The following TEKT5 variants were observed in gnomAD, a reference collection of about 807,000 sequenced individuals.
TEKT5 encodes tektin-5.
In TEKT5, 52 loss-of-function variants were observed where a neutral mutation model predicts 48.7. The ratio of observed to expected loss-of-function variants is 1.07; its 90% CI spans 0.86 to 1.35. The LOEUF (loss-of-function observed/expected upper bound fraction) is 1.35, where lower values mean the gene tolerates loss of function less well. TEKT5 is among the 40% of genes most tolerant of loss of function. The pLI is 0.00. For missense variants in TEKT5, 831 were observed against 641.6 expected, an observed-to-expected ratio of 1.30 and a Z score of -3.19; for synonymous variants, 318 against 267.6, an observed-to-expected ratio of 1.19 and a Z score of -1.84.
chr16:10,658,089 C>T (rs1236277577), intron 5 of TEKT5, among the ~76,000 whole-genome samples: 2 of 152,150 alleles, frequency 1.3e-5, no homozygotes, highest in East Asian at 1.9e-4. Context: ...TGATTATTGA[C>T]TTGTAATCTA....
At chr16:10,650,046 C>A (rs546305822) in intron 5 of TEKT5, among the ~76,000 whole-genome samples, 15 of 152,156 alleles carry the variant, frequency 9.9e-5, no homozygotes, top group Non-Finnish European at 2.2e-4. Flanking sequence ...CCCACTCCCC[C>A]TGCCATTTCT....
At chr16:10,629,885 C>T (rs1567222872) in intron 6 of TEKT5, among the ~76,000 whole-genome samples, 1 of 152,210 alleles carries the variant, frequency 6.6e-6, no homozygotes, top group Non-Finnish European at 1.5e-5. Context: ...ACTACTTCCT[C>T]ACCCCTCTCC....
intron 5 of TEKT5, among the ~76,000 whole-genome samples, chr16:10,660,912 G>A (rs1814266): frequency 6.6e-6 from 1 of 152,110 alleles, no homozygotes; most frequent in African/African-American, 2.4e-5. Context: ...TGTTGGCCAG[G>A]CTGGTCTCGA....
chr16:10,633,866 C>T (rs1473997597), intron 6 of TEKT5, among the ~76,000 whole-genome samples: 2 of 152,126 alleles, frequency 1.3e-5, no homozygotes, highest in Non-Finnish European at 2.9e-5. Context: ...CCTGCCCCTC[C>T]ACCCCACCCC....
chr16:10,652,424 T>C (rs1195999230), intron 5 of TEKT5, among the ~76,000 whole-genome samples: 1 of 132,486 alleles, frequency 7.5e-6, no homozygotes, highest in Admixed American at 7.9e-5. Context: ...CCAGGCCAGG[T>C]ACAGCAATCC....
chr16:10,653,611 G>A (rs1480300055), intron 5 of TEKT5, among the ~76,000 whole-genome samples: 2 of 152,176 alleles, frequency 1.3e-5, no homozygotes, highest in Non-Finnish European at 2.9e-5. Context: ...TGTAAAAACA[G>A]GCTTAATAAT....
intron 4 of TEKT5, among the ~76,000 whole-genome samples, chr16:10,678,031 T>C (rs1011493034): frequency 1.3e-5 from 2 of 152,228 alleles, no homozygotes; most frequent in South Asian, 2.1e-4. Flanking sequence ...TGGCAGAGCA[T>C]GTAAATCCCT....
At chr16:10,689,448 T>C (rs757813476) in intron 2 of TEKT5, 125 bp from the exon 3 acceptor site, 9 of 832,716 alleles carry the variant, frequency 1.1e-5, no homozygotes, top group Non-Finnish European at 1.7e-5. Flanking sequence ...AGGTGAAATG[T>C]CAGCGTGGGG....
intron 5 of TEKT5, among the ~76,000 whole-genome samples, chr16:10,657,067 G>C (rs1375692253): frequency 6.6e-6 from 1 of 151,440 alleles, no homozygotes; most frequent in Non-Finnish European, 1.5e-5. Flanking sequence ...TTCAAGCCTA[G>C]ACTCAGATTG....
chr16:10,659,531 C>A (rs577607600), intron 5 of TEKT5, among the ~76,000 whole-genome samples: 2 of 152,236 alleles, frequency 1.3e-5, no homozygotes, highest in South Asian at 2.1e-4. Context: ...AGGTGCCCAC[C>A]ACCACACTTG....
intron 1 of TEKT5, chr16:10,692,827 G>A (rs1899004673): frequency 6.6e-6 from 1 of 152,244 alleles, no homozygotes; most frequent in Non-Finnish European, 1.5e-5. Flanking sequence ...GGGAACAGGA[G>A]AACACAAACC....
At chr16:10,692,617 G>C (rs987626423) in intron 1 of TEKT5, 1 of 152,282 alleles carries the variant, frequency 6.6e-6, no homozygotes, top group African/African-American at 2.4e-5. Context: ...TTTGCATCCA[G>C]GGTCCATGAG....
intron 5 of TEKT5, among the ~76,000 whole-genome samples, chr16:10,651,887 G>A (rs377754607): frequency 3.0e-4 from 45 of 152,262 alleles, no homozygotes; most frequent in Middle Eastern, 3.4e-3. Context: ...ACTTGAACCC[G>A]GGAGGCAGAG....
chr16:10,641,997 C>A (rs75294899), intron 5 of TEKT5, among the ~76,000 whole-genome samples: 1,666 of 152,362 alleles, frequency 0.011, 9 homozygotes, highest in Middle Eastern at 0.037. Flanking sequence ...ATCTCTCTTC[C>A]TGTTAAAAGC....
rs74574430 is a variant in TEKT5 at position 10,682,270 on chromosome 16, C to T, written c.720-134G>A. ...AGTAGCTTCTCAGTCCTCTTCCCAC[C>T]TCCATGTCCCACCACATACCCAGAG... On this transcript the variant is annotated intron_variant, in intron 3 of 6. Transcript: ENST00000283025. The T allele has an allele frequency of 4.3e-3, 3,892 of 914,728 alleles. 111 individuals are homozygous for T. The African/African-American group carries it at 0.058, about 14-fold the overall frequency. The allele number at this position is 914,728 out of a possible 1,614,324, so 56.7% of individuals were successfully genotyped here. A position where few individuals can be genotyped will look rare whatever the true frequency, so the allele number is the denominator to read the frequency against.
At chr16:10,676,999 T>C (rs890899068) in intron 4 of TEKT5, among the ~76,000 whole-genome samples, 5 of 152,090 alleles carry the variant, frequency 3.3e-5, no homozygotes, top group Admixed American at 6.5e-5. Flanking sequence ...CACTGGGCAA[T>C]GTGGTGAAAC....
At chr16:10,688,494 T>C (rs541996598) in intron 3 of TEKT5, among the ~76,000 whole-genome samples, 25 of 152,262 alleles carry the variant, frequency 1.6e-4, no homozygotes, top group African/African-American at 5.8e-4. Context: ...GGGACAGCCA[T>C]TGCCAGGTTG....
At chr16:10,693,682 G>T (rs954295286) in intron 1 of TEKT5, among the ~76,000 whole-genome samples, 8 of 152,184 alleles carry the variant, frequency 5.3e-5, no homozygotes, top group African/African-American at 1.9e-4. Flanking sequence ...GTATTACGGG[G>T]AAAAATAAGG....
At chr16:10,688,460 G>A (rs1347622508) in intron 3 of TEKT5, among the ~76,000 whole-genome samples, 5 of 152,220 alleles carry the variant, frequency 3.3e-5, no homozygotes, top group African/African-American at 1.2e-4. Flanking sequence ...CACGCCAACT[G>A]CCCATGTGCA....
Sources: gnomAD v4.1 joint callset for allele counts (sites outside exome capture counted in the v4.1 genomes callset) on GRCh38, gnomAD v4.1.1 for gene constraint, MANE v1.5 for transcripts, NCBI Gene and HGNC (gene_info 2026-07-23, HGNC 2026-07-21) for gene names.